VTCN1: variants seen among roughly 807,000 people sequenced by gnomAD.
The protein encoded by VTCN1 is V-set domain-containing T-cell activation inhibitor 1.
In VTCN1, 26 loss-of-function variants were observed where a neutral mutation model predicts 26.5. That is an observed-to-expected ratio of 0.98 (90% confidence interval 0.72 to 1.36). The LOEUF (loss-of-function observed/expected upper bound fraction) is 1.36, where lower values mean the gene tolerates loss of function less well. VTCN1 is among the 40% of genes most tolerant of loss of function. VTCN1 has a pLI of 0.00. For missense variants in VTCN1, 298 were observed against 337.7 expected, an observed-to-expected ratio of 0.88 and a Z score of 0.92; for synonymous variants, 116 against 130.7, an observed-to-expected ratio of 0.89 and a Z score of 0.77.
At chr1:117,186,054 T>C (rs1647928079) in intron 1 of VTCN1, among the ~76,000 whole-genome samples, 1 of 152,234 alleles carries the variant, frequency 6.6e-6, no homozygotes, top group Non-Finnish European at 1.5e-5. Flanking sequence ...ATACTTTTAG[T>C]TTCACACATT....
chr1:117,187,800 C>A (rs1294733872), intron 1 of VTCN1, among the ~76,000 whole-genome samples: 1 of 150,034 alleles, frequency 6.7e-6, no homozygotes, highest in African/African-American at 2.5e-5. Context: ...CATCACTATG[C>A]AGAGTTTAAA....
At chr1:117,163,818 A>C (rs1225366140) in intron 2 of VTCN1, among the ~76,000 whole-genome samples, 1 of 152,148 alleles carries the variant, frequency 6.6e-6, no homozygotes, top group African/African-American at 2.4e-5. Flanking sequence ...ACAACTAAAA[A>C]CCACAAAATA....
intron 1 of VTCN1, among the ~76,000 whole-genome samples, chr1:117,182,943 A>G (rs1647748840): frequency 6.6e-6 from 1 of 152,198 alleles, no homozygotes; most frequent in Admixed American, 6.5e-5. Context: ...GAGATGGGCT[A>G]CGGAGCTCTT....
chr1:117,164,977 T>C (rs1652539432), intron 2 of VTCN1, among the ~76,000 whole-genome samples: 2 of 152,270 alleles, frequency 1.3e-5, no homozygotes, highest in Admixed American at 1.3e-4. Context: ...AGGTGGCATA[T>C]ACAGCATCAG....
In VTCN1 at chr1:117,167,598, A is replaced by G. The variant is rs953937344; in HGVS notation, c.97+2509T>C. 1.6e-4 allele frequency among the ~76,000 whole-genome samples: 24 copies of G among 152,202 alleles called. No individual in the cohort carries two copies. Among genetic ancestry groups the G allele is most frequent in the South Asian group, 2.1e-4 (1 of 4,836 alleles). On this transcript the variant is annotated intron_variant, in intron 2 of 5. Coordinates refer to ENST00000369458, the MANE Select transcript of VTCN1 (RefSeq NM_024626.4). The surrounding 1 kb of genome is among the most constrained non-coding windows in gnomAD (Gnocchi z 4.1). ...TATTGGTGAGGGTGTGGAGAGCTTG[A>G]TCTCTCATGCATTGCTGGTGAAGAG... is the stretch of plus-strand genomic sequence containing the variant.
At chr1:117,206,186 C>G (rs539027491) in intron 1 of VTCN1, among the ~76,000 whole-genome samples, 4 of 150,730 alleles carry the variant, frequency 2.7e-5, no homozygotes, top group African/African-American at 9.8e-5. Flanking sequence ...CTGGAGAACT[C>G]TATGAGTATT....
Position 117,149,280 on chromosome 1 carries a change from T to C in VTCN1, c.725-1498A>G, listed in dbSNP as rs557047239. Among the ~76,000 whole-genome samples the C allele has an allele frequency of 2.0e-5, 3 of 147,904 alleles. No individual in the cohort carries two copies. In the South Asian group the frequency reaches 6.3e-4, roughly 31 times the overall value. On this transcript the variant is annotated intron_variant, in intron 4 of 5. Coordinates refer to ENST00000369458, the MANE Select transcript of VTCN1 (RefSeq NM_024626.4). ...CTACTCCCCACACATATTGCTCCTA[T>C]GTTTTGGGGTGGGTTTTTTTTTTTT... is the stretch of plus-strand genomic sequence containing the variant.
At chr1:117,177,421 G>A (rs2101543828) in intron 1 of VTCN1, among the ~76,000 whole-genome samples, 1 of 152,240 alleles carries the variant, frequency 6.6e-6, no homozygotes, top group African/African-American at 2.4e-5. Context: ...TTTGGTCCAG[G>A]AAACCGAGAG....
chr1:117,154,139 T>C (rs1651943802), intron 3 of VTCN1, among the ~76,000 whole-genome samples: 1 of 152,164 alleles, frequency 6.6e-6, no homozygotes, highest in East Asian at 1.9e-4. Context: ...AGGAAAGCCC[T>C]TGCCTAACCC....
rs1481908882 is a variant in VTCN1 at position 117,146,887 on chromosome 1, G to C, written c.*45+726C>G. Among the ~76,000 whole-genome samples, 1 of 152,138 alleles carries C rather than the reference G, an allele frequency of 6.6e-6. No homozygotes were observed. Among genetic ancestry groups the C allele is most frequent in the African/African-American group, 2.4e-5 (1 of 41,424 alleles). On this transcript the variant is annotated intron_variant, in intron 5 of 5. Transcript: ENST00000369458. This position sits in a 1 kb window ranked among gnomAD's most constrained non-coding sequence, Gnocchi z 4.2. ...CAGGTACAGTGTTTCAAAACCAGTC[G>C]GGGTGTGAGATGATGAAGGCTGGAT...
intron 1 of VTCN1, chr1:117,173,136 T>C: frequency 1.4e-6 from 1 of 713,710 alleles, no homozygotes; most frequent in Non-Finnish European, 2.6e-6. Flanking sequence ...AGCAAACAAC[T>C]CCGGAACAAA....
intron 2 of VTCN1, 171 bp from the exon 3 acceptor site, chr1:117,157,092 GAT>G (rs145887761): frequency 0.054 from 29,533 of 542,158 alleles, no homozygotes; most frequent in East Asian, 0.09. Flanking sequence ...CAATCATTTT[GAT>G]ATATATATAT....
Position 117,146,231 on chromosome 1 carries a change from T to TC in VTCN1, c.*46-1007dup, listed in dbSNP as rs112009866. Among the ~76,000 whole-genome samples, 8,301 of 152,282 alleles carry TC rather than the reference T, an allele frequency of 0.055. 272 individuals are homozygous for TC. Among genetic ancestry groups the TC allele is most frequent in the South Asian group, 0.079 (380 of 4,822 alleles). ...AATCAAGGAAAGAAAAAAGTGCTTT[T>TC]CACTCTACTAGTGAGATTCCCAAGG... is the stretch of plus-strand genomic sequence containing the variant. On this transcript the variant is annotated intron_variant, in intron 5 of 5. Transcript: ENST00000369458. This position sits in a 1 kb window ranked among gnomAD's most constrained non-coding sequence, Gnocchi z 4.2.
At chr1:117,182,793 C>A (rs1243937967) in intron 1 of VTCN1, among the ~76,000 whole-genome samples, 1 of 152,144 alleles carries the variant, frequency 6.6e-6, no homozygotes, top group African/African-American at 2.4e-5. Flanking sequence ...TTCCAGGGCA[C>A]CAGTCTTAGT....
chr1:117,172,220 A>G (rs902537602), intron 1 of VTCN1, among the ~76,000 whole-genome samples: 3 of 152,248 alleles, frequency 2.0e-5, no homozygotes, highest in Non-Finnish European at 1.5e-5. Flanking sequence ...TCTGCCCTGA[A>G]TAGGCTCATT....
intron 1 of VTCN1, among the ~76,000 whole-genome samples, chr1:117,197,648 T>G (rs1336160892): frequency 6.6e-6 from 1 of 152,160 alleles, no homozygotes; most frequent in Non-Finnish European, 1.5e-5. Flanking sequence ...TGCGCCCCTT[T>G]GCTTGGCCTG....
At chr1:117,205,238 C>A (rs528274291) in intron 1 of VTCN1, among the ~76,000 whole-genome samples, 1 of 151,358 alleles carries the variant, frequency 6.6e-6, no homozygotes, top group South Asian at 2.1e-4. Context: ...CTCACTGCAA[C>A]CTTAACCTCA....
chr1:117,208,982 G>A (rs1649231255), intron 1 of VTCN1, among the ~76,000 whole-genome samples: 1 of 152,210 alleles, frequency 6.6e-6, no homozygotes, highest in South Asian at 2.1e-4. Context: ...TTAGGGTCAA[G>A]AGTTACCCCA....
intron 1 of VTCN1, among the ~76,000 whole-genome samples, chr1:117,174,164 A>ATGC (rs1433634152): frequency 1.3e-5 from 2 of 152,186 alleles, no homozygotes; most frequent in African/African-American, 4.8e-5. Flanking sequence ...TCCAATAACT[A>ATGC]TGCTGCAGGA....
Sources: allele counts gnomAD v4.1 joint callset (sites outside exome capture counted in the v4.1 genomes callset), GRCh38; gene constraint gnomAD v4.1.1; non-coding constraint Gnocchi (gnomAD v3.1); transcripts MANE v1.5; gene names NCBI Gene and HGNC (gene_info 2026-07-23, HGNC 2026-07-21).